The following STK3 variants were observed in gnomAD, a reference collection of about 807,000 sequenced individuals.
STK3 encodes the protein serine/threonine kinase 3.
In STK3, 41 loss-of-function variants were observed where a neutral mutation model predicts 58.0. The observed-to-expected ratio is 0.71, with a 90% CI of 0.55 to 0.92. The LOEUF is 0.92. STK3 is among the 40% of genes least tolerant of loss of function. The pLI, the probability that STK3 is intolerant of heterozygous loss-of-function variation, is 0.00. For synonymous variants in STK3, 170 were observed against 191.0 expected (o/e 0.89, Z 0.91); for missense variants, 479 against 602.7 (o/e 0.79, Z 2.15).
chr8:98,754,370 A>G (rs1830161481), intron 3 of STK3, among the ~76,000 whole-genome samples: 1 of 152,094 alleles, frequency 6.6e-6, no homozygotes. Flanking sequence ...CTGTGACCCA[A>G]GCCCACACTC....
intron 1 of STK3, among the ~76,000 whole-genome samples, chr8:98,775,481 C>T (rs767172944): frequency 2.6e-5 from 4 of 152,144 alleles, no homozygotes; most frequent in Non-Finnish European, 4.4e-5. Flanking sequence ...CCCCACGATG[C>T]CCCACACGGA....
At chr8:98,532,122 T>C (rs1452120161) in intron 9 of STK3, among the ~76,000 whole-genome samples, 1 of 152,260 alleles carries the variant, frequency 6.6e-6, no homozygotes, top group Admixed American at 6.5e-5. Flanking sequence ...GGCTGTTTGG[T>C]GCAAGAGGCC....
chr8:98,527,731 T>C (rs907067476), intron 9 of STK3, among the ~76,000 whole-genome samples: 7 of 152,230 alleles, frequency 4.6e-5, no homozygotes. Context: ...TCAGTCTTTC[T>C]GATTCCCTCT....
chr8:98,369,050 T>A (rs1817588458), downstream of STK3, among the ~76,000 whole-genome samples: 1 of 152,198 alleles, frequency 6.6e-6, no homozygotes, highest in Admixed American at 6.5e-5. Context: ...AGTTTTCTGC[T>A]CCCTTGATTG....
At chr8:98,538,289 A>C (rs1450051335) in intron 9 of STK3, among the ~76,000 whole-genome samples, 1 of 152,230 alleles carries the variant, frequency 6.6e-6, no homozygotes, top group African/African-American at 2.4e-5. Context: ...TTAACACAGA[A>C]GCTACTGACA....
At chr8:98,376,774 C>G (rs1817680154) in intron 2 of STK3, among the ~76,000 whole-genome samples, 1 of 152,124 alleles carries the variant, frequency 6.6e-6, no homozygotes, top group Non-Finnish European at 1.5e-5. Flanking sequence ...ATCCAACATC[C>G]AATTGCTTGC....
chr8:98,509,881 TTTTA>T (rs1824370793), intron 10 of STK3, among the ~76,000 whole-genome samples: 1 of 152,032 alleles, frequency 6.6e-6, no homozygotes, highest in African/African-American at 2.4e-5. Context: ...CTTACTAACA[TTTTA>T]TTTAAAGTAT....
At chr8:98,356,423 T>C in the STK3 span, among the ~76,000 whole-genome samples, 5 of 152,224 alleles carry the variant, frequency 3.3e-5, no homozygotes, top group South Asian at 1.0e-3. Flanking sequence ...CTCAGCTTAG[T>C]TCGCAAAAGG....
chr8:98,852,220 C>A (rs1836498156), intron 3 of STK3, among the ~76,000 whole-genome samples: 1 of 151,908 alleles, frequency 6.6e-6, no homozygotes, highest in Non-Finnish European at 1.5e-5. Flanking sequence ...TCACTGCAAC[C>A]TCCGCCTCCC....
intron 4 of STK3, among the ~76,000 whole-genome samples, chr8:98,745,769 T>C (rs1829599320): frequency 6.6e-6 from 1 of 151,866 alleles, no homozygotes; most frequent in Admixed American, 6.6e-5. Context: ...GACCATATCC[T>C]AGATGTAAAG....
chr8:98,432,597 T>C (rs1818352576), intron 3 of STK3: 1 of 167,136 alleles, frequency 6.0e-6, no homozygotes, highest in Non-Finnish European at 1.5e-5. Flanking sequence ...ATCTTAGCAC[T>C]CAAATAATTG....
intron 4 of STK3, among the ~76,000 whole-genome samples, chr8:98,748,184 C>A (rs1376514432): frequency 6.6e-6 from 1 of 152,124 alleles, no homozygotes; most frequent in South Asian, 2.1e-4. Flanking sequence ...CTGAGTTTAG[C>A]CCTGAAATGA....
intron 1 of STK3, among the ~76,000 whole-genome samples, chr8:98,906,877 G>A (rs1336129659): frequency 6.6e-6 from 1 of 152,032 alleles, no homozygotes; most frequent in African/African-American, 2.4e-5. Context: ...GCTGGGTGTG[G>A]AGGCTCACGC....
intron 1 of STK3, among the ~76,000 whole-genome samples, chr8:98,380,003 G>A (rs949366495): frequency 6.6e-6 from 1 of 152,164 alleles, no homozygotes; most frequent in Non-Finnish European, 1.5e-5. Flanking sequence ...GGGACAACAT[G>A]GATGAATCTT....
At chr8:98,875,092 A>G (rs894012150) in intron 3 of STK3, among the ~76,000 whole-genome samples, 1 of 152,224 alleles carries the variant, frequency 6.6e-6, no homozygotes, top group Non-Finnish European at 1.5e-5. Context: ...CCCATATAGT[A>G]TCAATGGATA....
At chr8:98,514,066 C>G (rs1053957727) in intron 10 of STK3, among the ~76,000 whole-genome samples, 19 of 152,150 alleles carry the variant, frequency 1.2e-4, no homozygotes, top group Non-Finnish European at 2.6e-4. Flanking sequence ...CACGTTCACT[C>G]AGATGATGAC....
intron 10 of STK3, among the ~76,000 whole-genome samples, chr8:98,474,455 T>C (rs1018684807): frequency 6.6e-6 from 1 of 152,216 alleles, no homozygotes; most frequent in Non-Finnish European, 1.5e-5. Flanking sequence ...TATGTTTCCA[T>C]CATGACTGAT....
chr8:98,530,197 G>A (rs1403762049), intron 9 of STK3, among the ~76,000 whole-genome samples: 1 of 152,154 alleles, frequency 6.6e-6, no homozygotes, highest in Non-Finnish European at 1.5e-5. Flanking sequence ...GGGTACATGT[G>A]CAGATTTGTT....
At chr8:98,550,284 A>G (rs1382967555) in intron 8 of STK3, among the ~76,000 whole-genome samples, 3 of 152,072 alleles carry the variant, frequency 2.0e-5, no homozygotes, top group Admixed American at 2.0e-4. Flanking sequence ...TTCTTTCATG[A>G]TCCTTTCTCT....
Sources: allele counts gnomAD v4.1 joint callset (sites outside exome capture counted in the v4.1 genomes callset), GRCh38; gene constraint gnomAD v4.1.1; transcripts MANE v1.5; gene names NCBI Gene and HGNC (gene_info 2026-07-23, HGNC 2026-07-21).